IRF2: variants seen among roughly 807,000 people sequenced by gnomAD.
IRF2 encodes the protein interferon regulatory factor 2.
IRF2 carries 15 observed loss-of-function variants against 40.6 expected under a neutral mutation model. The ratio of observed to expected loss-of-function variants is 0.37; its 90% CI spans 0.25 to 0.57. IRF2 has a LOEUF of 0.57. Among genes scored for constraint, IRF2 ranks in the 20% least tolerant of loss-of-function variants. The pLI is 0.77. For synonymous variants in IRF2, 151 were observed against 165.5 expected, an observed-to-expected ratio of 0.91 and a Z score of 0.67; for missense variants, 317 against 455.7, an observed-to-expected ratio of 0.70 and a Z score of 2.77.
chr4:184,404,674 C>T (rs1347819807), intron 6 of IRF2, among the ~76,000 whole-genome samples: 2 of 152,178 alleles, frequency 1.3e-5, no homozygotes, highest in African/African-American at 2.4e-5. Context: ...CTTCTAATCT[C>T]GTGCTCTTTC....
At chr4:184,402,771 C>T (rs971185491) in intron 6 of IRF2, among the ~76,000 whole-genome samples, 1 of 152,114 alleles carries the variant, frequency 6.6e-6, no homozygotes, top group East Asian at 1.9e-4. Flanking sequence ...TAAAGACAGC[C>T]GGCTGTGGGT....
chr4:184,416,798 C>T (rs1236174157), intron 5 of IRF2, among the ~76,000 whole-genome samples: 1 of 152,154 alleles, frequency 6.6e-6, no homozygotes, highest in Non-Finnish European at 1.5e-5. Context: ...GTATTCCCAG[C>T]ACTTTGGGAG....
chr4:184,424,031 G>A (rs1032270949), intron 2 of IRF2, among the ~76,000 whole-genome samples: 1 of 150,932 alleles, frequency 6.6e-6, no homozygotes, highest in Admixed American at 6.6e-5. Flanking sequence ...ATGCTGTCAG[G>A]GAGCTGCTTT....
intron 1 of IRF2, among the ~76,000 whole-genome samples, chr4:184,435,141 T>C (rs999425632): frequency 5.3e-5 from 8 of 152,236 alleles, no homozygotes; most frequent in Non-Finnish European, 1.2e-4. Context: ...TATCCTTTAT[T>C]ACCTGCTAGT....
chr4:184,418,279 A>G, intron 4 of IRF2, 66 bp from the exon 5 acceptor site: 2 of 1,272,224 alleles, frequency 1.6e-6, no homozygotes, highest in Non-Finnish European at 2.3e-6. Context: ...ATTTCCCTCA[A>G]ATTAAATTCT....
intron 1 of IRF2, among the ~76,000 whole-genome samples, chr4:184,442,312 C>A (rs749114667): frequency 3.5e-4 from 54 of 152,204 alleles, no homozygotes; most frequent in Admixed American, 8.5e-4. Flanking sequence ...TCTCTCCACC[C>A]CTTCACCTCC....
At chr4:184,427,457 C>G (rs1178775074) in intron 2 of IRF2, among the ~76,000 whole-genome samples, 1 of 152,148 alleles carries the variant, frequency 6.6e-6, no homozygotes, top group East Asian at 1.9e-4. Flanking sequence ...AGTTCCAGAC[C>G]AGTCTGGGCA....
At chr4:184,440,494 G>A (rs1346914693) in intron 1 of IRF2, among the ~76,000 whole-genome samples, 1 of 152,260 alleles carries the variant, frequency 6.6e-6, no homozygotes, top group Admixed American at 6.5e-5. Context: ...CAGTGGCCTG[G>A]CCACTTTCCC....
intron 1 of IRF2, among the ~76,000 whole-genome samples, chr4:184,447,582 C>CT (rs1363252500): frequency 6.6e-6 from 1 of 152,170 alleles, no homozygotes; most frequent in African/African-American, 2.4e-5. Context: ...GGGAAAAAGA[C>CT]TAACTTTATC....
At position 184,432,992 on chromosome 4, in the gene IRF2, G is replaced by GC. The variant is rs1737943470; in HGVS notation, c.-6-3923dup. Among the ~76,000 whole-genome samples the GC allele has an allele frequency of 8.5e-5, 13 of 152,326 alleles. No homozygotes were observed. The South Asian group carries it at 2.7e-3, about 32-fold the overall frequency. On this transcript the variant is annotated intron_variant, in intron 1 of 8. Coordinates refer to ENST00000393593, the MANE Select transcript of IRF2 (RefSeq NM_002199.4). ...AGCAACCAACAGAGAAGGGAGAGCT[G>GC]CAAAGGCCCTGAGGCAAGGTGGCCC...
chr4:184,426,924 G>A (rs1381448933), intron 2 of IRF2, among the ~76,000 whole-genome samples: 2 of 152,206 alleles, frequency 1.3e-5, no homozygotes, highest in East Asian at 1.9e-4. Flanking sequence ...TTCCTTGTCT[G>A]TAAAATGGAA....
At chr4:184,453,653 G>C (rs980320943) in intron 1 of IRF2, among the ~76,000 whole-genome samples, 1 of 152,222 alleles carries the variant, frequency 6.6e-6, no homozygotes, top group African/African-American at 2.4e-5. Flanking sequence ...CACTGGAGAC[G>C]TAACAGTATA....
chr4:184,404,596 G>C (rs987286384), intron 6 of IRF2, among the ~76,000 whole-genome samples: 1 of 152,112 alleles, frequency 6.6e-6, no homozygotes, highest in Non-Finnish European at 1.5e-5. Context: ...AAAAGATTAA[G>C]GAGTTTGCCC....
intron 6 of IRF2, among the ~76,000 whole-genome samples, chr4:184,404,107 G>C (rs1736765092): frequency 6.6e-6 from 1 of 152,194 alleles, no homozygotes; most frequent in East Asian, 1.9e-4. Context: ...CAGATTATTA[G>C]AAACAGAGGG....
intron 1 of IRF2, among the ~76,000 whole-genome samples, chr4:184,443,099 C>T (rs1279857832): frequency 6.6e-6 from 1 of 152,048 alleles, no homozygotes; most frequent in African/African-American, 2.4e-5. Context: ...TGAATTTTTG[C>T]ATTTTTAGTA....
chr4:184,408,476 C>A lies in IRF2; in HGVS notation c.412-201G>T, dbSNP rs569383964. Among the ~76,000 whole-genome samples, 1 of 152,192 alleles carries A rather than the reference C, an allele frequency of 6.6e-6. No homozygotes were observed. The highest frequency in any genetic ancestry group is 1.5e-5 in the Non-Finnish European group (1 of 68,038). On this transcript the variant is annotated intron_variant, in intron 5 of 8. Transcript: ENST00000393593. This position sits in a 1 kb window ranked among gnomAD's most constrained non-coding sequence, Gnocchi z 4.9. ...AGGGTGCACTGCTGGGTATTCAGCT[C>A]CTTCCATTTTCCTTCAAGGAAACGG... is the stretch of plus-strand genomic sequence containing the variant.
rs116764376 is a variant in IRF2, at chr4:184,388,451, A to G, written c.*307T>C. Reference sequence around the variant, plus strand: ...TTATCTCGTCCGTTCTGAGGCATCCACTCCACCTTGCTGGCCTTGACCGCA... The same window carrying G: ...TTATCTCGTCCGTTCTGAGGCATCCGCTCCACCTTGCTGGCCTTGACCGCA... On this transcript the variant is annotated 3_prime_UTR_variant, in exon 9 of 9. Coordinates refer to ENST00000393593, the MANE Select transcript of IRF2 (RefSeq NM_002199.4). The surrounding 1 kb of genome is among the most constrained non-coding windows in gnomAD (Gnocchi z 4.6). 633 of 384,322 alleles carry G rather than the reference A, an allele frequency of 1.6e-3. 5 individuals are homozygous for G. Among genetic ancestry groups the G allele is most frequent in the African/African-American group, 0.012 (576 of 46,948 alleles). The allele number at this position is 384,322 out of a possible 1,614,324, so 23.8% of individuals were successfully genotyped here. A position where few individuals can be genotyped will look rare whatever the true frequency, so the allele number is the denominator to read the frequency against.
intron 5 of IRF2, among the ~76,000 whole-genome samples, chr4:184,417,960 C>T (rs1676964362): frequency 1.3e-5 from 2 of 152,122 alleles, no homozygotes; most frequent in Admixed American, 6.5e-5. Flanking sequence ...CATAAATTTC[C>T]CAGAGAAACG....
intron 1 of IRF2, among the ~76,000 whole-genome samples, chr4:184,439,733 A>G (rs1472747696): frequency 6.6e-6 from 1 of 152,186 alleles, no homozygotes; most frequent in Non-Finnish European, 1.5e-5. Flanking sequence ...AGCTATTCCC[A>G]TAGCTGCTTT....
Sources: gnomAD v4.1 joint callset for allele counts (sites outside exome capture counted in the v4.1 genomes callset) on GRCh38, gnomAD v4.1.1 for gene constraint, Gnocchi (gnomAD v3.1) non-coding constraint, MANE v1.5 for transcripts, NCBI Gene and HGNC (gene_info 2026-07-23, HGNC 2026-07-21) for gene names.